SUGCT: variants seen among roughly 807,000 people sequenced by gnomAD.
The protein encoded by SUGCT is succinyl-CoA:glutarate-CoA transferase.
In SUGCT, 41 loss-of-function variants were observed where a neutral mutation model predicts 55.0. That is an observed-to-expected ratio of 0.74 (90% CI 0.58 to 0.97). The LOEUF (loss-of-function observed/expected upper bound fraction) is 0.97, where lower values mean the gene tolerates loss of function less well. Ranked by LOEUF, SUGCT falls within the 50% of genes least tolerant of loss-of-function variation. SUGCT has a pLI of 0.00. For synonymous variants in SUGCT, 187 were observed against 200.4 expected (o/e 0.93, Z 0.56); for missense variants, 568 against 547.8 (o/e 1.04, Z -0.37).
At chr7:40,908,532 A>G in the SUGCT span, among the ~76,000 whole-genome samples, 19 of 152,164 alleles carry the variant, frequency 1.2e-4, no homozygotes, top group Admixed American at 6.5e-4. Context: ...AGTATGAGGA[A>G]AGAAAGGCAA....
chr7:40,948,397 A>T, the SUGCT span, among the ~76,000 whole-genome samples: 1 of 152,100 alleles, frequency 6.6e-6, no homozygotes, highest in East Asian at 1.9e-4. Context: ...AAACAGATTT[A>T]GTGTCAACTC....
intron 12 of SUGCT, among the ~76,000 whole-genome samples, chr7:40,727,763 G>A (rs1193804447): frequency 7.2e-5 from 11 of 152,164 alleles, no homozygotes; most frequent in Non-Finnish European, 1.6e-4. Context: ...GGAAAATGCT[G>A]TAGTTCTAGT....
At chr7:40,670,169 C>CAAAAAAAAAAAAAAAAAAAAAAAA (rs34786531) in intron 12 of SUGCT, among the ~76,000 whole-genome samples, 1 of 58,210 alleles carries the variant, frequency 1.7e-5, no homozygotes. Flanking sequence ...GACTCCATCT[C>CAAAAAAAAAAAAAAAAAAAAAAAA]AAAAAAAAAA....
At chr7:40,443,903 G>A (rs1321274177) in intron 9 of SUGCT, among the ~76,000 whole-genome samples, 2 of 152,094 alleles carry the variant, frequency 1.3e-5, no homozygotes, top group Non-Finnish European at 2.9e-5. Context: ...TTTTGTATAA[G>A]GTGTAAGGAA....
chr7:40,458,523 A>G (rs377020743), intron 10 of SUGCT, among the ~76,000 whole-genome samples: 126 of 152,306 alleles, frequency 8.3e-4, no homozygotes, highest in African/African-American at 2.8e-3. Flanking sequence ...TTAATTTGCT[A>G]TTGTTTAAAT....
chr7:40,982,133 CGT>C, the SUGCT span, among the ~76,000 whole-genome samples: 1 of 131,478 alleles, frequency 7.6e-6, no homozygotes, highest in East Asian at 2.1e-4. Flanking sequence ...ACCTTTTCAA[CGT>C]ATATAAAGCA....
At chr7:40,643,636 A>G in intron 12 of SUGCT, among the ~76,000 whole-genome samples, 1 of 152,230 alleles carries the variant, frequency 6.6e-6, no homozygotes, top group Admixed American at 6.5e-5. Flanking sequence ...GCCTTCTCCT[A>G]GCTCATTTGA....
chr7:40,855,025 TAAA>T (rs5883745), intron 13 of SUGCT, among the ~76,000 whole-genome samples: 4 of 144,522 alleles, frequency 2.8e-5, no homozygotes, highest in African/African-American at 7.6e-5. Flanking sequence ...TTTTATTCTT[TAAA>T]AAAAAAAAAA....
chr7:40,169,894 G>C (rs539973591), intron 1 of SUGCT, among the ~76,000 whole-genome samples: 1 of 152,158 alleles, frequency 6.6e-6, no homozygotes, highest in Non-Finnish European at 1.5e-5. Flanking sequence ...AACTGACTGA[G>C]TGATAAACTT....
intron 13 of SUGCT, among the ~76,000 whole-genome samples, chr7:40,850,078 T>C (rs966300306): frequency 2.6e-5 from 4 of 152,180 alleles, no homozygotes; most frequent in African/African-American, 7.2e-5. Context: ...GGAGAGGACA[T>C]ACTGGTCAGA....
At chr7:40,566,048 G>T (rs1796129336) in intron 12 of SUGCT, among the ~76,000 whole-genome samples, 5 of 150,596 alleles carry the variant, frequency 3.3e-5, no homozygotes, top group Admixed American at 3.3e-4. Flanking sequence ...ATAAACTCAG[G>T]TGTTCCTGGC....
At chr7:40,403,935 CA>C (rs1786222467) in intron 9 of SUGCT, among the ~76,000 whole-genome samples, 1 of 152,168 alleles carries the variant, frequency 6.6e-6, no homozygotes. Context: ...GCAATGTAAT[CA>C]ATCTAGATGA....
At chr7:40,906,016 A>AC in the SUGCT span, among the ~76,000 whole-genome samples, 4 of 152,044 alleles carry the variant, frequency 2.6e-5, no homozygotes, top group Admixed American at 2.6e-4. Context: ...GAGCCACTGC[A>AC]CCCTGCCATC....
chr7:40,206,793 A>T (rs112638786), intron 6 of SUGCT, among the ~76,000 whole-genome samples: 3 of 152,228 alleles, frequency 2.0e-5, no homozygotes, highest in African/African-American at 7.2e-5. Flanking sequence ...AAGAAAATGT[A>T]CATCTTCAGC....
At chr7:40,877,830 G>T in the SUGCT span, among the ~76,000 whole-genome samples, 1 of 152,182 alleles carries the variant, frequency 6.6e-6, no homozygotes, top group South Asian at 2.1e-4. Context: ...AATTGCTTCT[G>T]CACATGTGCA....
chr7:40,974,701 G>A, the SUGCT span, among the ~76,000 whole-genome samples: 1 of 152,178 alleles, frequency 6.6e-6, no homozygotes, highest in Non-Finnish European at 1.5e-5. Flanking sequence ...GAGATGACAT[G>A]TTACATGTGC....
intron 8 of SUGCT, among the ~76,000 whole-genome samples, chr7:40,315,034 T>A (rs1795353923): frequency 6.6e-6 from 1 of 152,222 alleles, no homozygotes; most frequent in African/African-American, 2.4e-5. Context: ...TCCAGAGCAC[T>A]TGAAATATTA....
chr7:40,948,956 T>A, the SUGCT span, among the ~76,000 whole-genome samples: 2 of 152,224 alleles, frequency 1.3e-5, no homozygotes, highest in African/African-American at 2.4e-5. Context: ...TTATAATCCT[T>A]TGGGTATATA....
chr7:40,181,527 T>A (rs917812882), intron 2 of SUGCT, among the ~76,000 whole-genome samples: 2 of 151,826 alleles, frequency 1.3e-5, no homozygotes, highest in South Asian at 2.1e-4. Flanking sequence ...GGGCGGATCA[T>A]GAGGTCAGGA....
Sources: allele counts gnomAD v4.1 joint callset (sites outside exome capture counted in the v4.1 genomes callset), GRCh38; gene constraint gnomAD v4.1.1; transcripts MANE v1.5; gene names NCBI Gene and HGNC (gene_info 2026-07-23, HGNC 2026-07-21).